Variants in UGT3A2 observed in about 807,000 individuals in gnomAD.
UGT3A2 encodes the protein UDP glycosyltransferase family 3 member A2.
Under a neutral mutation model 39.8 loss-of-function variants are expected in UGT3A2, and 32 were observed. The observed-to-expected ratio is 0.80, with a 90% CI of 0.61 to 1.08. The LOEUF (loss-of-function observed/expected upper bound fraction) is 1.08. UGT3A2 is among the 50% of genes least tolerant of loss of function. The pLI is 0.00. For synonymous variants in UGT3A2, 241 were observed against 230.7 expected (o/e 1.04, Z -0.40); for missense variants, 611 against 637.1 (o/e 0.96, Z 0.44).
In UGT3A2 at chr5:36,035,976, T is replaced by G; in HGVS notation, c.1296-2A>C. On this transcript the variant is annotated splice_acceptor_variant, in intron 6 of 6. Transcript: ENST00000282507. LOFTEE classifies it high-confidence loss of function. Reference sequence around the variant, plus strand: ...GCAGCCACTGCCGCGGACTTGTATCTGTTGAGAGAGATAGAGAGGGGGCAT... The same window carrying G: ...GCAGCCACTGCCGCGGACTTGTATCGGTTGAGAGAGATAGAGAGGGGGCAT... 2 of 1,612,628 alleles carry G rather than the reference T, an allele frequency of 1.2e-6. No homozygotes were observed. The highest frequency in any genetic ancestry group is 1.7e-6 in the Non-Finnish European group (2 of 1,178,820).
intron 2 of UGT3A2, among the ~76,000 whole-genome samples, chr5:36,056,751 A>G (rs931508785): frequency 2.0e-5 from 3 of 152,232 alleles, no homozygotes; most frequent in Non-Finnish European, 4.4e-5. Context: ...ATATTTTATC[A>G]TCCTAATAGG....
rs753953855 is a variant in UGT3A2 at position 36,049,190 on chromosome 5, A to G, written c.542T>C (p.Leu181Ser). Residue 181 changes from leucine (L) to serine (S), a missense_variant, in exon 4 of 7, where the codon TTG (leucine) becomes TCG (serine). By Grantham distance (145) the Leu-to-Ser change is moderately radical. Transcript: ENST00000282507. ...GGAACGGAATACTGGAACATAAGAC[A>G]AGGGGATTGGTAGCCCAAATTCCAA... ...GSLEFGLPIP[L>S]SYVPVFRSLL... 1 of 1,614,212 alleles carries G rather than the reference A, an allele frequency of 6.2e-7. No individual in the cohort carries two copies.
rs1207686848 is a variant in UGT3A2, at chr5:36,035,516, A to G, written c.*182T>C. Reference sequence around the variant, plus strand: ...TTCTGCTAGCAGGCAGGAGCTAGTAAGGATGAATTTGTAGCAAAATTAGCA... The same window carrying G: ...TTCTGCTAGCAGGCAGGAGCTAGTAGGGATGAATTTGTAGCAAAATTAGCA... On this transcript the variant is annotated 3_prime_UTR_variant, in exon 7 of 7. Transcript: ENST00000282507. 3.5e-6 allele frequency: 3 copies of G among 860,834 alleles called. No homozygotes were observed. Among genetic ancestry groups the G allele is most frequent in the East Asian group, 5.4e-5 (2 of 37,002 alleles). 53.3% of individuals were successfully genotyped at this position (860,834 alleles called of 1,614,324 possible). A position where few individuals can be genotyped will look rare whatever the true frequency, so the allele number is the denominator to read the frequency against.
intron 2 of UGT3A2, among the ~76,000 whole-genome samples, chr5:36,057,571 T>C (rs1407156015): frequency 6.6e-6 from 1 of 151,710 alleles, no homozygotes; most frequent in Non-Finnish European, 1.5e-5. Context: ...GGTCTCACTT[T>C]ATTGGCCAGG....
chr5:36,055,150 A>T (rs1315216521), intron 2 of UGT3A2, among the ~76,000 whole-genome samples: 1 of 151,836 alleles, frequency 6.6e-6, no homozygotes, highest in African/African-American at 2.4e-5. Context: ...AAAAAAAAAA[A>T]TTTGGGGGGG....
intron 3 of UGT3A2, among the ~76,000 whole-genome samples, chr5:36,050,298 A>T (rs1211647028): frequency 6.6e-6 from 1 of 152,212 alleles, no homozygotes. Flanking sequence ...TAATGCCTGC[A>T]GAGAATATGA....
intron 2 of UGT3A2, among the ~76,000 whole-genome samples, chr5:36,057,263 T>C (rs1027689567): frequency 6.6e-6 from 1 of 152,240 alleles, no homozygotes; most frequent in Non-Finnish European, 1.5e-5. Context: ...AAATTGGGCA[T>C]CTGATCAGAA....
intron 2 of UGT3A2, among the ~76,000 whole-genome samples, chr5:36,062,625 A>T (rs1436809143): frequency 6.6e-6 from 1 of 152,076 alleles, no homozygotes; most frequent in Non-Finnish European, 1.5e-5. Flanking sequence ...TACCAGTACC[A>T]TGCTGTTTTG....
intron 4 of UGT3A2, among the ~76,000 whole-genome samples, chr5:36,041,437 T>G (rs778924287): frequency 6.6e-6 from 1 of 152,150 alleles, no homozygotes; most frequent in Admixed American, 6.6e-5. Flanking sequence ...TGAGGTCCAG[T>G]GCTGTGTTGG....
At chr5:36,052,407 C>G (rs926641957) in intron 2 of UGT3A2, among the ~76,000 whole-genome samples, 4 of 151,822 alleles carry the variant, frequency 2.6e-5, no homozygotes, top group African/African-American at 9.7e-5. Flanking sequence ...AGAGTAGTCC[C>G]CTACATCTCA....
intron 2 of UGT3A2, among the ~76,000 whole-genome samples, chr5:36,062,117 A>G (rs1335035409): frequency 0.021 from 3,216 of 151,568 alleles, 105 homozygotes; most frequent in African/African-American, 0.075. Flanking sequence ...AATTTGTTTG[A>G]GTTCACTGTA....
rs142419055 is a variant in UGT3A2 at position 36,039,082 on chromosome 5, T to C, written c.1075+395A>G. 1.8e-3 allele frequency among the ~76,000 whole-genome samples: 273 copies of C among 152,372 alleles called. 2 individuals carry two copies. Among genetic ancestry groups the C allele is most frequent in the African/African-American group, 6.2e-3 (257 of 41,590 alleles). ...TTTGTGTAAGTCCATGTGGTTGAAC[T>C]GGTGCTCACAAAGTAACTAAAATTT... On this transcript the variant is annotated intron_variant, in intron 5 of 6. Coordinates refer to ENST00000282507, the MANE Select transcript of UGT3A2 (RefSeq NM_174914.4).
rs201480832 is a variant in UGT3A2 at position 36,066,794 on chromosome 5, A to T, written c.-5T>A. 1 of 1,614,058 alleles carries T rather than the reference A, an allele frequency of 6.2e-7. No homozygotes were observed. On this transcript the variant is annotated 5_prime_UTR_variant, in exon 1 of 7. Transcript: ENST00000282507. ...AAGCACTCGCTGCCCAGCCATGCTC[A>T]CTTCTACGGAAGCCGCGGATCTCAG...
intron 3 of UGT3A2, 104 bp downstream of exon 3, chr5:36,051,762 CCATT>C (rs1581009420): frequency 5.0e-6 from 4 of 792,274 alleles, no homozygotes; most frequent in Non-Finnish European, 8.1e-6. Context: ...ATCCATCCAT[CCATT>C]CGTCACTTTC....
chr5:36,066,621 C>G, intron 1 of UGT3A2, 75 bp downstream of exon 1: 4 of 1,604,696 alleles, frequency 2.5e-6, no homozygotes, highest in Non-Finnish European at 3.4e-6. Flanking sequence ...TCTGATCAAG[C>G]GCTGTTCTCT....
At position 36,064,343 on chromosome 5, in the gene UGT3A2, G is replaced by A. The variant is rs747285400; in HGVS notation, c.102C>T (p.Ser34=). 6.2e-7 allele frequency: 1 copy of A among 1,614,028 alleles called. No individual in the cohort carries two copies. ...AAACCCGGTCCATCAGTAGATAATG[G>A]CTTCCACCTAGGAACAATGCACAAC... is the stretch of plus-strand genomic sequence containing the variant. The part of the protein sequence containing the change: ...KILTISTVGG[S]HYLLMDRVSQ... Residue 34 remains serine, a synonymous_variant, in exon 2 of 7, where the codon AGC becomes AGT. Coordinates refer to ENST00000282507, the MANE Select transcript of UGT3A2 (RefSeq NM_174914.4).
At chr5:36,058,735 C>G (rs533545448) in intron 2 of UGT3A2, among the ~76,000 whole-genome samples, 2 of 152,024 alleles carry the variant, frequency 1.3e-5, no homozygotes, top group South Asian at 4.1e-4. Flanking sequence ...CCCCTGGCCC[C>G]CTTCTTTATA....
At chr5:36,040,395 T>A (rs1227697338) in intron 4 of UGT3A2, among the ~76,000 whole-genome samples, 1 of 152,122 alleles carries the variant, frequency 6.6e-6, no homozygotes, top group Non-Finnish European at 1.5e-5. Context: ...AGAAAACACC[T>A]TCATAAGAAC....
At position 36,066,882 on chromosome 5, in the gene UGT3A2, T is replaced by A; in HGVS notation, c.-93A>T. The A allele has an allele frequency of 7.0e-7, 1 of 1,425,036 alleles. No individual in the cohort carries two copies. Among genetic ancestry groups the A allele is most frequent in the Non-Finnish European group, 9.9e-7 (1 of 1,010,864 alleles). 88.3% of individuals were successfully genotyped at this position (1,425,036 alleles called of 1,614,324 possible). A position where few individuals can be genotyped will look rare whatever the true frequency, so the allele number is the denominator to read the frequency against. On this transcript the variant is annotated 5_prime_UTR_variant, in exon 1 of 7. Coordinates refer to ENST00000282507, the MANE Select transcript of UGT3A2 (RefSeq NM_174914.4). ...GTGCACCTCAGTGCGCCAAAGGCACTGGCTGTGGGTAGAGGTAGGAGTAAG... is the reference window on the plus strand; with the variant it reads ...GTGCACCTCAGTGCGCCAAAGGCACAGGCTGTGGGTAGAGGTAGGAGTAAG...
Sources: gnomAD v4.1 joint callset for allele counts (sites outside exome capture counted in the v4.1 genomes callset) on GRCh38, gnomAD v4.1.1 for gene constraint, MANE v1.5 for transcripts, NCBI Gene and HGNC (gene_info 2026-07-23, HGNC 2026-07-21) for gene names.